Variants in PPP2R2D observed in about 807,000 individuals in gnomAD.
PPP2R2D encodes serine/threonine-protein phosphatase 2A 55 kDa regulatory subunit B delta isoform.
A neutral mutation model predicts 31.1 loss-of-function variants in PPP2R2D; 9 were observed. That is an observed-to-expected ratio of 0.29 (90% CI 0.17 to 0.51). PPP2R2D has a LOEUF of 0.51. Ranked by LOEUF, PPP2R2D falls within the 20% of genes least tolerant of loss-of-function variation. PPP2R2D has a pLI of 0.98. For missense variants in PPP2R2D, 391 were observed against 465.6 expected (o/e 0.84, Z 1.48); for synonymous variants, 179 against 172.6 (o/e 1.04, Z -0.29).
intron 2 of PPP2R2D, among the ~76,000 whole-genome samples, chr10:131,916,522 TAAAC>T (rs1554893093): frequency 6.6e-6 from 1 of 152,206 alleles, no homozygotes; most frequent in Non-Finnish European, 1.5e-5. Flanking sequence ...TTTGTCCTAT[TAAAC>T]AATAACTCCC....
At chr10:131,915,778 T>A (rs1248521416) in intron 2 of PPP2R2D, among the ~76,000 whole-genome samples, 1 of 152,252 alleles carries the variant, frequency 6.6e-6, no homozygotes, top group African/African-American at 2.4e-5. Context: ...TGACTTCGTT[T>A]ATGGTAACAG....
chr10:131,940,257 T>C lies in PPP2R2D; in HGVS notation c.364+61T>C, dbSNP rs558624029. ...TTTTTTATTTTTAATTTTCTGTGTGTGTGTAGATTCCTTTTTATTTTAGAA... is the reference window on the plus strand; with the variant it reads ...TTTTTTATTTTTAATTTTCTGTGTGCGTGTAGATTCCTTTTTATTTTAGAA... On this transcript the variant is annotated intron_variant, in intron 4 of 8. Transcript: ENST00000455566. The C allele has an allele frequency of 2.8e-5, 17 of 600,296 alleles. No individual in the cohort carries two copies. The Admixed American group carries it at 3.4e-4, about 12-fold the overall frequency. The allele number at this position is 600,296 out of a possible 1,614,324, so 37.2% of individuals were successfully genotyped here.
At chr10:131,937,715 C>A (rs147966696) in intron 3 of PPP2R2D, among the ~76,000 whole-genome samples, 4 of 152,276 alleles carry the variant, frequency 2.6e-5, no homozygotes, top group African/African-American at 9.6e-5. Context: ...GCTTCTATTC[C>A]GCTGTTTTTT....
In PPP2R2D at chr10:131,947,781, G is replaced by A. The variant is rs34473884; in HGVS notation, c.1072G>A (p.Gly358Ser). Residue 358 changes from glycine to serine, a missense_variant, in exon 8 of 9, where the codon GGT (glycine) becomes AGT (serine). Gly to Ser is a moderately conservative substitution (Grantham distance 56, BLOSUM62 0). Transcript: ENST00000455566. This position sits in a 1 kb window ranked among gnomAD's most constrained non-coding sequence, Gnocchi z 4.3. ...TGACAAGTTTGAGTGTTGCTGGAAC[G>A]GTTCGGATAGGTAAGGCCTGCGTGG... ...IFDKFECCWN[G>S]SDSAIMTGSY... is the part of the protein sequence containing the mutation. The A allele has an allele frequency of 0.23, 374,158 of 1,613,296 alleles. 44,938 individuals are homozygous for A. The highest frequency in any genetic ancestry group is 0.24 in the Non-Finnish European group (288,196 of 1,179,436).
At chr10:131,953,946 A>T (rs966950302) in intron 8 of PPP2R2D, among the ~76,000 whole-genome samples, 1 of 152,174 alleles carries the variant, frequency 6.6e-6, no homozygotes, top group Non-Finnish European at 1.5e-5. Context: ...TCTCAAAAAC[A>T]CGCCAGTCTT....
At chr10:131,971,336 A>G in the PPP2R2D span, 1 of 256,176 alleles carries the variant, frequency 3.9e-6, no homozygotes, top group East Asian at 1.0e-4. Context: ...GGTTATAAGA[A>G]AAGAAAATGA....
intron 7 of PPP2R2D, among the ~76,000 whole-genome samples, chr10:131,946,340 TC>T (rs1303135537): frequency 3.3e-5 from 5 of 152,148 alleles, no homozygotes; most frequent in African/African-American, 1.2e-4. Context: ...TGCTGACCCT[TC>T]CTCCAGTGCC....
chr10:131,944,860 C>G (rs980914951), intron 6 of PPP2R2D, among the ~76,000 whole-genome samples: 2 of 152,192 alleles, frequency 1.3e-5, no homozygotes, highest in East Asian at 1.9e-4. Context: ...TCTAGCTACA[C>G]AGAATAAGCT....
intron 2 of PPP2R2D, among the ~76,000 whole-genome samples, chr10:131,927,304 A>G (rs1245049906): frequency 9.2e-5 from 14 of 152,104 alleles, no homozygotes; most frequent in Non-Finnish European, 2.1e-4. Context: ...GGGGTGTGAG[A>G]CAACAGAGAG....
Position 131,901,420 on chromosome 10 carries a change from A to C in PPP2R2D, c.100+90A>C, listed in dbSNP as rs1476454594. On this transcript the variant is annotated intron_variant, in intron 2 of 8. Transcript: ENST00000455566. ...GCCTCCGGGCCCCAAGCGTCCGTGG[A>C]AGGCAGGCAGGAGGATGGGGGCCGG... 5.7e-5 allele frequency: 19 copies of C among 333,522 alleles called. No homozygotes were observed. The Admixed American group carries it at 8.3e-4, about 15-fold the overall frequency. The allele number at this position is 333,522 out of a possible 1,614,324, so 20.7% of individuals were successfully genotyped here.
At chr10:131,970,847 A>G in the PPP2R2D span, 1 of 1,614,110 alleles carries the variant, frequency 6.2e-7, no homozygotes, top group African/African-American at 1.3e-5. The surrounding 1 kb of genome is among the most constrained non-coding windows in gnomAD (Gnocchi z 4.1). Context: ...CCCCCGTGAC[A>G]CTGAGAACAC....
At chr10:131,909,319 C>T (rs1479190853) in intron 2 of PPP2R2D, among the ~76,000 whole-genome samples, 1 of 152,186 alleles carries the variant, frequency 6.6e-6, no homozygotes, top group Non-Finnish European at 1.5e-5. Context: ...CTTTTCAGAT[C>T]CTAAGCGGAG....
At chr10:131,943,885 C>T (rs1415410642) in intron 5 of PPP2R2D, 83 bp from the exon 6 acceptor site, 15 of 682,098 alleles carry the variant, frequency 2.2e-5, no homozygotes, top group Non-Finnish European at 3.5e-5. Context: ...ATAAACTTGT[C>T]CTCTTTCGTT....
At position 131,956,760 on chromosome 10, in the gene PPP2R2D, C is replaced by A; in HGVS notation, c.*797C>A. ...GGTAAGGTCTGGGAAAAGCCAGAAC[C>A]GAGGCCACCTCTGAGAAAGAAAATT... On this transcript the variant is annotated 3_prime_UTR_variant, in exon 9 of 9. Transcript: ENST00000455566. 4.8e-6 allele frequency: 1 copy of A among 209,340 alleles called. No homozygotes were observed. Among genetic ancestry groups the A allele is most frequent in the Non-Finnish European group, 8.3e-6 (1 of 120,400 alleles). The allele number at this position is 209,340 out of a possible 1,614,324, so 13.0% of individuals were successfully genotyped here.
chr10:131,925,025 G>A (rs2036076500), intron 2 of PPP2R2D, among the ~76,000 whole-genome samples: 1 of 152,206 alleles, frequency 6.6e-6, no homozygotes, highest in Non-Finnish European at 1.5e-5. Flanking sequence ...TGCTGAACCT[G>A]TTTATTATCT....
intron 2 of PPP2R2D, among the ~76,000 whole-genome samples, chr10:131,927,455 C>T (rs1761733193): frequency 6.6e-6 from 1 of 152,112 alleles, no homozygotes; most frequent in Non-Finnish European, 1.5e-5. Flanking sequence ...CAGAGCTTGG[C>T]GGCGGTGAGA....
At chr10:131,928,700 A>T (rs1554895268) in intron 2 of PPP2R2D, among the ~76,000 whole-genome samples, 1 of 152,232 alleles carries the variant, frequency 6.6e-6, no homozygotes. Flanking sequence ...GGCAGTGAAG[A>T]TCCAGAGAAG....
Position 131,920,610 on chromosome 10 carries a change from C to T in PPP2R2D, c.101-13848C>T, listed in dbSNP as rs147859712. ...ATGTGGATTTTTGATGTAGGAGGTA[C>T]GTTTCTAACCTACTTTTGTTTATTT... On this transcript the variant is annotated intron_variant, in intron 2 of 8. Coordinates refer to ENST00000455566, the MANE Select transcript of PPP2R2D (RefSeq NM_018461.5). 4.8e-3 allele frequency among the ~76,000 whole-genome samples: 732 copies of T among 152,274 alleles called. 3 individuals carry two copies. Among genetic ancestry groups the T allele is most frequent in the African/African-American group, 0.017 (701 of 41,536 alleles).
At chr10:131,964,285 G>A (rs782811996), downstream of PPP2R2D, among the ~76,000 whole-genome samples, 2 of 152,000 alleles carry the variant, frequency 1.3e-5, no homozygotes, top group East Asian at 1.9e-4. Flanking sequence ...AGTTTCCGTC[G>A]ACGAATCAGC....
Sources: gnomAD v4.1 joint callset for allele counts (sites outside exome capture counted in the v4.1 genomes callset) on GRCh38, gnomAD v4.1.1 for gene constraint, Gnocchi (gnomAD v3.1) non-coding constraint, MANE v1.5 for transcripts, NCBI Gene and HGNC (gene_info 2026-07-23, HGNC 2026-07-21) for gene names.